The following DNM3 variants were observed in gnomAD, a reference collection of about 807,000 sequenced individuals.
DNM3 encodes dynamin 3.
In DNM3, 47 loss-of-function variants were observed where a neutral mutation model predicts 101.6. That is an observed-to-expected ratio of 0.46 (90% confidence interval 0.37 to 0.59). The LOEUF (loss-of-function observed/expected upper bound fraction) is 0.59. Ranked by LOEUF, DNM3 falls within the 20% of genes least tolerant of loss-of-function variation. DNM3 has a pLI of 0.00. For missense variants in DNM3, 849 were observed against 1,085.7 expected, an observed-to-expected ratio of 0.78 and a Z score of 3.06; for synonymous variants, 385 against 387.9, an observed-to-expected ratio of 0.99 and a Z score of 0.09.
chr1:171,879,124 A>G (rs2036037983), intron 1 of DNM3, among the ~76,000 whole-genome samples: 1 of 152,152 alleles, frequency 6.6e-6, no homozygotes, highest in Non-Finnish European at 1.5e-5. Context: ...AATCATTTAT[A>G]TTATTCTGCT....
intron 13 of DNM3, among the ~76,000 whole-genome samples, chr1:172,104,857 C>A (rs2054897897): frequency 6.6e-6 from 1 of 152,192 alleles, no homozygotes; most frequent in Admixed American, 6.5e-5. Context: ...CACTAACTTA[C>A]AGAGCAGAGT....
chr1:172,384,312 T>C (rs759539670), intron 18 of DNM3, among the ~76,000 whole-genome samples: 80 of 152,342 alleles, frequency 5.3e-4, no homozygotes, highest in Non-Finnish European at 8.5e-4. Flanking sequence ...ATTGTTCTCC[T>C]GTCTCGATGT....
chr1:172,387,052 T>C, intron 18 of DNM3, 81 bp from the exon 19 acceptor site: 1 of 1,223,358 alleles, frequency 8.2e-7, no homozygotes, highest in Non-Finnish European at 1.2e-6. Flanking sequence ...TTGTCCAGAC[T>C]CTGACTGCCA....
At position 172,387,482 on chromosome 1, in the gene DNM3, C is replaced by A. The variant is rs925817898; in HGVS notation, c.2285+123C>A. The A allele has an allele frequency of 5.1e-6, 4 of 778,706 alleles. No individual in the cohort carries two copies. In the Admixed American group the frequency reaches 8.4e-5, roughly 16 times the overall value. The allele number at this position is 778,706 out of a possible 1,614,324, so 48.2% of individuals were successfully genotyped here. ...ACCATCCTGGCGAACATAGTGAAAC[C>A]CTGTCTCTACTAAAAACATAAAAAA... is the stretch of plus-strand genomic sequence containing the variant. On this transcript the variant is annotated intron_variant, in intron 19 of 20. Transcript: ENST00000627582.
In DNM3 at chr1:172,291,108, G is replaced by A. The variant is rs988045281; in HGVS notation, c.1770-17620G>A. On this transcript the variant is annotated intron_variant, in intron 15 of 20. Coordinates refer to ENST00000627582, the MANE Select transcript of DNM3 (RefSeq NM_015569.5). The stretch of plus-strand genomic sequence containing the variant: ...GTATCTATAGAGTAGCAGGATTACA[G>A]CCCTCACTTGGGTGGACTGAGGAAA... Among the ~76,000 whole-genome samples, 21 of 152,264 alleles carry A rather than the reference G, an allele frequency of 1.4e-4. 1 individual carries two copies. The highest frequency in any genetic ancestry group is 8.3e-4 in the South Asian group (4 of 4,826).
At chr1:172,330,763 A>C (rs1212960747) in intron 17 of DNM3, among the ~76,000 whole-genome samples, 1 of 152,180 alleles carries the variant, frequency 6.6e-6, no homozygotes, top group Non-Finnish European at 1.5e-5. Flanking sequence ...AATGGTGAAA[A>C]CAGAATATCT....
At chr1:172,305,916 G>A (rs1405024702) in intron 15 of DNM3, among the ~76,000 whole-genome samples, 2 of 152,174 alleles carry the variant, frequency 1.3e-5, no homozygotes, top group Non-Finnish European at 2.9e-5. Flanking sequence ...CAAGCCCACA[G>A]CCAGTATCAT....
chr1:172,035,525 C>G (rs1359938650), intron 6 of DNM3, among the ~76,000 whole-genome samples: 1 of 152,042 alleles, frequency 6.6e-6, no homozygotes, highest in Non-Finnish European at 1.5e-5. Flanking sequence ...GAAGATACAT[C>G]CAGAATGGAT....
At chr1:172,251,437 T>C (rs1299418170) in intron 14 of DNM3, among the ~76,000 whole-genome samples, 2 of 151,572 alleles carry the variant, frequency 1.3e-5, no homozygotes, top group Non-Finnish European at 1.5e-5. Context: ...TAAATACATG[T>C]CTGAATACAT....
intron 1 of DNM3, among the ~76,000 whole-genome samples, chr1:171,865,006 A>G (rs985453684): frequency 6.6e-6 from 1 of 152,124 alleles, no homozygotes; most frequent in Non-Finnish European, 1.5e-5. Context: ...GGGTTTTCTT[A>G]ATTGGACGGA....
chr1:172,044,350 A>T, intron 8 of DNM3, 35 bp from the exon 9 acceptor site: 4 of 1,547,442 alleles, frequency 2.6e-6, no homozygotes, highest in Non-Finnish European at 3.5e-6. Flanking sequence ...CAAAGGAATT[A>T]AGTGTCATAA....
chr1:172,216,754 T>TGCACACACAC (rs1200032358), intron 14 of DNM3, among the ~76,000 whole-genome samples: 2 of 149,254 alleles, frequency 1.3e-5, no homozygotes, highest in Non-Finnish European at 3.0e-5. Flanking sequence ...CACACACACA[T>TGCACACACAC]GCACACACAC....
At chr1:172,334,542 C>T (rs143559459) in intron 17 of DNM3, among the ~76,000 whole-genome samples, 1 of 152,220 alleles carries the variant, frequency 6.6e-6, no homozygotes, top group Non-Finnish European at 1.5e-5. Context: ...ACTCCTATAC[C>T]CAAACAGCCT....
At chr1:172,036,980 AG>A (rs142054248) in intron 6 of DNM3, among the ~76,000 whole-genome samples, 37,599 of 152,068 alleles carry the variant, frequency 0.25, 4,946 homozygotes, top group Middle Eastern at 0.32. Context: ...AAGTGGGCAA[AG>A]GACATGAACA....
chr1:172,323,731 T>C (rs752920091), intron 17 of DNM3, among the ~76,000 whole-genome samples: 2 of 152,206 alleles, frequency 1.3e-5, no homozygotes, highest in Non-Finnish European at 2.9e-5. Flanking sequence ...CTTATGTTAA[T>C]GTGCAGTTAC....
At chr1:172,416,124 A>G (rs1269990506), downstream of DNM3, among the ~76,000 whole-genome samples, 2 of 152,134 alleles carry the variant, frequency 1.3e-5, no homozygotes, top group African/African-American at 4.8e-5. Context: ...GATTAGGTAA[A>G]TTTGCTTATA....
At chr1:172,164,264 C>A (rs2148307874) in intron 14 of DNM3, among the ~76,000 whole-genome samples, 1 of 125,968 alleles carries the variant, frequency 7.9e-6, no homozygotes. Context: ...TTACTATGAA[C>A]CAAAATAATA....
chr1:172,234,741 C>T (rs923329769), intron 14 of DNM3, among the ~76,000 whole-genome samples: 4 of 152,070 alleles, frequency 2.6e-5, no homozygotes, highest in African/African-American at 4.8e-5. Flanking sequence ...AGATCTACAC[C>T]GATCTGATCT....
At chr1:172,142,302 T>C (rs1331419573) in intron 14 of DNM3, 1 of 152,094 alleles carries the variant, frequency 6.6e-6, no homozygotes, top group Non-Finnish European at 1.5e-5. Context: ...ATGGCTATAA[T>C]GTATATAAAT....
Sources: gnomAD v4.1 joint callset for allele counts (sites outside exome capture counted in the v4.1 genomes callset) on GRCh38, gnomAD v4.1.1 for gene constraint, MANE v1.5 for transcripts, NCBI Gene and HGNC (gene_info 2026-07-23, HGNC 2026-07-21) for gene names.